The following SIRPB1 variants were observed in gnomAD, a reference collection of about 807,000 sequenced individuals.
SIRPB1 encodes signal-regulatory protein beta-1.
In SIRPB1, 28 loss-of-function variants were observed where a neutral mutation model predicts 34.1. The ratio of observed to expected loss-of-function variants is 0.82; its 90% CI spans 0.61 to 1.12. The LOEUF (loss-of-function observed/expected upper bound fraction) is 1.12. SIRPB1 is among the 50% of genes most tolerant of loss of function. The pLI is 0.00. For synonymous variants in SIRPB1, 211 were observed against 203.8 expected, an observed-to-expected ratio of 1.04 and a Z score of -0.30; for missense variants, 499 against 507.0, an observed-to-expected ratio of 0.98 and a Z score of 0.15.
At position 1,582,648 on chromosome 20, in the gene SIRPB1, A is replaced by G. The variant is rs529982256; in HGVS notation, c.77-3954T>C. ...ACAAACAATGTAATATATCATATTT[A>G]TAGAAGAAAGACAAGAAACACATGA... On this transcript the variant is annotated intron_variant, in intron 1 of 5. Coordinates refer to ENST00000381605, the MANE Select transcript of SIRPB1 (RefSeq NM_006065.5). Among the ~76,000 whole-genome samples the G allele has an allele frequency of 8.3e-4, 41 of 49,624 alleles. 19 individuals carry two copies. In the South Asian group the frequency reaches 0.019, roughly 23 times the overall value. 32.6% of individuals were successfully genotyped at this position (49,624 alleles called of 152,430 possible). A position where few individuals can be genotyped will look rare whatever the true frequency, so the allele number is the denominator to read the frequency against.
In SIRPB1 at chr20:1,600,853, G is replaced by A. The variant is rs1378174599; in HGVS notation, c.76+19016C>T. The stretch of plus-strand genomic sequence containing the variant: ...AACTGACCACTCATCAAGATCAGCT[G>A]GCAATGAGGACCCCAGGGCTGGTAG... On this transcript the variant is annotated intron_variant, in intron 1 of 5. Transcript: ENST00000381605. Among the ~76,000 whole-genome samples the A allele has an allele frequency of 1.6e-4, 8 of 49,382 alleles. 3 individuals are homozygous for A. The East Asian group carries it at 2.9e-3, about 18-fold the overall frequency. 32.4% of individuals were successfully genotyped at this position (49,382 alleles called of 152,430 possible). A position where few individuals can be genotyped will look rare whatever the true frequency, so the allele number is the denominator to read the frequency against.
At chr20:1,617,260 T>A (rs1240985368) in intron 1 of SIRPB1, among the ~76,000 whole-genome samples, 3 of 152,168 alleles carry the variant, frequency 2.0e-5, no homozygotes, top group Non-Finnish European at 4.4e-5. Context: ...TGCAGCATTA[T>A]TTACAATAGC....
Position 1,564,844 on chromosome 20 carries a change from GGA to G in SIRPB1, c.*654_*655del. On this transcript the variant is annotated 3_prime_UTR_variant, in exon 6 of 6. Coordinates refer to ENST00000381605, the MANE Select transcript of SIRPB1 (RefSeq NM_006065.5). ...TCATGTAAGTGGACACATGCATTTTGGAGGCAGAACTGAATATGAGTTGTAAA... is the reference window on the plus strand; with the variant it reads ...TCATGTAAGTGGACACATGCATTTTGGGCAGAACTGAATATGAGTTGTAAA... The G allele has an allele frequency of 5.0e-6, 2 of 398,452 alleles. No homozygotes were observed. Among genetic ancestry groups the G allele is most frequent in the Non-Finnish European group, 8.8e-6 (2 of 226,012 alleles). The allele number at this position is 398,452 out of a possible 1,614,324, so 24.7% of individuals were successfully genotyped here.
chr20:1,616,690 A>T (rs2091635013), intron 1 of SIRPB1, among the ~76,000 whole-genome samples: 1 of 152,228 alleles, frequency 6.6e-6, no homozygotes, highest in Non-Finnish European at 1.5e-5. Flanking sequence ...AAAGAAAAAT[A>T]GACAAACGGC....
Position 1,588,913 on chromosome 20 carries a change from C to T in SIRPB1, c.77-10219G>A, listed in dbSNP as rs1017835669. On this transcript the variant is annotated intron_variant, in intron 1 of 5. Transcript: ENST00000381605. ...TGAGGCCTGTGTTCTGTCCACGTGG[C>T]CCCCTTCCCCATCTTCAGGTCTTCT... Among the ~76,000 whole-genome samples the T allele has an allele frequency of 6.1e-5, 3 of 49,076 alleles. 1 individual carries two copies. The highest frequency in any genetic ancestry group is 7.5e-4 in the South Asian group (1 of 1,338). 32.2% of individuals were successfully genotyped at this position (49,076 alleles called of 152,430 possible).
Position 1,570,846 on chromosome 20 carries a change from A to T in SIRPB1, c.1043T>A (p.Ile348Asn). ...QAVSKSYALE[I>N]SAHQKEHGSD... ...GCCGTGCTCCTTCTGGTGCGCTGAG[A>T]TCTCCAGGGCATAGCTTTTGCTGAC... is the stretch of plus-strand genomic sequence containing the variant. Residue 348 changes from isoleucine (I) to asparagine (N), a missense_variant, in exon 4 of 6, where the codon ATC becomes AAC. Physicochemically the swap from Ile to Asn is moderately radical, Grantham distance 149 (BLOSUM62 -3). Transcript: ENST00000381605. 1 of 1,614,122 alleles carries T rather than the reference A, an allele frequency of 6.2e-7. No homozygotes were observed. Among genetic ancestry groups the T allele is most frequent in the Non-Finnish European group, 8.5e-7 (1 of 1,180,024 alleles).
At position 1,578,320 on chromosome 20, in the gene SIRPB1, G is replaced by A. The variant is rs1312347957; in HGVS notation, c.433+18C>T. 6.4e-6 allele frequency: 10 copies of A among 1,573,912 alleles called. 1 individual carries two copies. In the East Asian group the frequency reaches 1.1e-4, roughly 18 times the overall value. On this transcript the variant is annotated intron_variant, in intron 2 of 5. Transcript: ENST00000381605. ...TTGTCACACACCAGGGGACAAAGGA[G>A]GCCCACGCTGTACTCACCGCGCACA... is the stretch of plus-strand genomic sequence containing the variant.
intron 1 of SIRPB1, among the ~76,000 whole-genome samples, chr20:1,615,118 T>C (rs1387319358): frequency 2.0e-5 from 3 of 152,332 alleles, no homozygotes; most frequent in Non-Finnish European, 4.4e-5. Flanking sequence ...TATTCTTCAT[T>C]TACAAATTTT....
intron 4 of SIRPB1, among the ~76,000 whole-genome samples, chr20:1,567,955 G>A (rs1412154871): frequency 6.6e-6 from 1 of 152,216 alleles, no homozygotes; most frequent in African/African-American, 2.4e-5. Context: ...GGGCATCATA[G>A]AAGAGTAGCA....
At position 1,562,111 on chromosome 20, in the gene SIRPB1, C is replaced by T. The variant is rs1000930883; in HGVS notation, c.*3389G>A. On this transcript the variant is annotated 3_prime_UTR_variant, in exon 6 of 6. Coordinates refer to ENST00000381605, the MANE Select transcript of SIRPB1 (RefSeq NM_006065.5). ...CCTTTGGGAGCTCTTTCAGTTGGTT[C>T]CTGCGCCTCTTTGATGTACTCCAGT... Among the ~76,000 whole-genome samples the T allele has an allele frequency of 1.8e-4, 27 of 151,696 alleles. No individual in the cohort carries two copies. The highest frequency in any genetic ancestry group is 6.6e-4 in the African/African-American group (27 of 41,122).
At chr20:1,614,285 G>T (rs985839885) in intron 1 of SIRPB1, among the ~76,000 whole-genome samples, 1 of 152,184 alleles carries the variant, frequency 6.6e-6, no homozygotes, top group Non-Finnish European at 1.5e-5. Flanking sequence ...ATGCTACATG[G>T]CAACTCAAAG....
chr20:1,593,936 G>A lies in SIRPB1; in HGVS notation c.77-15242C>T, dbSNP rs1187266173. Among the ~76,000 whole-genome samples, 2 of 48,518 alleles carry A rather than the reference G, an allele frequency of 4.1e-5. 1 individual carries two copies. Among genetic ancestry groups the A allele is most frequent in the Non-Finnish European group, 7.9e-5 (2 of 25,298 alleles). 31.8% of individuals were successfully genotyped at this position (48,518 alleles called of 152,430 possible). A position where few individuals can be genotyped will look rare whatever the true frequency, so the allele number is the denominator to read the frequency against. On this transcript the variant is annotated intron_variant, in intron 1 of 5. Coordinates refer to ENST00000381605, the MANE Select transcript of SIRPB1 (RefSeq NM_006065.5). ...ATTGATGCAATAGGCCAGGTGCGGT[G>A]GCTCACACTTGTAACCCCAACATTT... is the stretch of plus-strand genomic sequence containing the variant.
chr20:1,581,707 T>G (rs184795249), intron 1 of SIRPB1, among the ~76,000 whole-genome samples: 2,404 of 47,322 alleles, frequency 0.051, 1,135 homozygotes, highest in African/African-American at 0.33. Context: ...GCAATGAGGA[T>G]GGGATCATTC....
In SIRPB1 at chr20:1,578,455, T is replaced by G. The variant is rs41275422; in HGVS notation, c.316A>C (p.Ser106Arg). Reference protein sequence around the residue: ...TKRNNLDFSISISNITPADAG... With the variant: ...TKRNNLDFSIRISNITPADAG... ...TCTGCTGGGGTGATGTTACTGATGCTGATGGAAAAGTCCAGGTTGTTTCTC... is the reference window on the plus strand; with the variant it reads ...TCTGCTGGGGTGATGTTACTGATGCGGATGGAAAAGTCCAGGTTGTTTCTC... The change falls in exon 2 of 6, where the codon AGC becomes CGC. Residue 106 changes from serine (S) to arginine (R), a missense_variant. Physicochemically the swap from Ser to Arg is moderately radical, Grantham distance 110. Transcript: ENST00000381605. 0.17 allele frequency: 275,092 copies of G among 1,580,512 alleles called. 50,104 individuals carry two copies. The highest frequency in any genetic ancestry group is 0.6 in the East Asian group (26,628 of 44,634).
rs1318812694 is a variant in SIRPB1 at position 1,566,250 on chromosome 20, T to C, written c.1102A>G (p.Thr368Ala). 1 of 1,607,018 alleles carries C rather than the reference T, an allele frequency of 6.2e-7. No homozygotes were observed. The highest frequency in any genetic ancestry group is 1.1e-5 in the South Asian group (1 of 89,584). ...DITHEAALAP[T>A]APLLVALLLG... The stretch of plus-strand genomic sequence containing the variant: ...AGGAGAGCTACGAGGAGTGGAGCAG[T>C]AGGAGCCAGCGCTGCTTCTGGAAAT... The change falls in exon 5 of 6, where the codon ACT (threonine) becomes GCT (alanine). Residue 368 changes from threonine (T) to alanine (A), a missense_variant. Coordinates refer to ENST00000381605, the MANE Select transcript of SIRPB1 (RefSeq NM_006065.5).
intron 2 of SIRPB1, among the ~76,000 whole-genome samples, 189 bp from the exon 3 acceptor site, chr20:1,572,226 T>C (rs2091252724): frequency 6.6e-6 from 1 of 152,134 alleles, no homozygotes; most frequent in Admixed American, 6.5e-5. Flanking sequence ...AACCAGGCCA[T>C]GGTCAGACAG....
Position 1,618,117 on chromosome 20 carries a change from C to T in SIRPB1, c.76+1752G>A, listed in dbSNP as rs116689166. 3.7e-3 allele frequency among the ~76,000 whole-genome samples: 567 copies of T among 152,180 alleles called. 1 individual carries two copies. Among genetic ancestry groups the T allele is most frequent in the African/African-American group, 0.012 (516 of 41,508 alleles). On this transcript the variant is annotated intron_variant, in intron 1 of 5. Coordinates refer to ENST00000381605, the MANE Select transcript of SIRPB1 (RefSeq NM_006065.5). ...TTTTGTGTATTAAATAAAATTACAA[C>T]ACACGTTAAAATCTCATTAAAATAT...
chr20:1,584,618 C>A lies in SIRPB1; in HGVS notation c.77-5924G>T, dbSNP rs2091415235. On this transcript the variant is annotated intron_variant, in intron 1 of 5. Transcript: ENST00000381605. ...AAACTTGGATGAAAAAAATAGAAAA[C>A]AAATAACAGAAAGATACCTATGTTT... Among the ~76,000 whole-genome samples the A allele has an allele frequency of 4.1e-5, 2 of 48,674 alleles. 1 individual carries two copies. The highest frequency in any genetic ancestry group is 7.9e-5 in the Non-Finnish European group (2 of 25,276). 31.9% of individuals were successfully genotyped at this position (48,674 alleles called of 152,430 possible).
At chr20:1,566,325 G>GT in intron 4 of SIRPB1, 58 bp from the exon 5 acceptor site, 1 of 1,088,356 alleles carries the variant, frequency 9.2e-7, no homozygotes, top group South Asian at 1.4e-5. Flanking sequence ...CTCATCCCAG[G>GT]GGCCTCCACT....
Sources: allele counts gnomAD v4.1 joint callset (sites outside exome capture counted in the v4.1 genomes callset), GRCh38; gene constraint gnomAD v4.1.1; transcripts MANE v1.5; gene names NCBI Gene and HGNC (gene_info 2026-07-23, HGNC 2026-07-21).